The following UNC5D variants were observed in gnomAD, a reference collection of about 807,000 sequenced individuals.
UNC5D encodes the protein netrin receptor UNC5D.
UNC5D carries 39 observed loss-of-function variants against 105.4 expected under a neutral mutation model. The observed-to-expected ratio is 0.37, with a 90% CI of 0.29 to 0.48. UNC5D has a LOEUF of 0.48. Ranked by LOEUF, UNC5D falls within the 20% of genes least tolerant of loss-of-function variation. The pLI is 0.98. For synonymous variants in UNC5D, 452 were observed against 450.4 expected (o/e 1.00, Z -0.04); for missense variants, 991 against 1,202.4 (o/e 0.82, Z 2.60).
chr8:35,330,430 T>C (rs1223630069), intron 1 of UNC5D, among the ~76,000 whole-genome samples: 2 of 152,212 alleles, frequency 1.3e-5, no homozygotes, highest in East Asian at 3.9e-4. Context: ...CTAAGGTCTC[T>C]TTTAATCACT....
chr8:35,634,395 A>C (rs1822228710), intron 4 of UNC5D, among the ~76,000 whole-genome samples: 2 of 152,216 alleles, frequency 1.3e-5, no homozygotes, highest in Non-Finnish European at 2.9e-5. Context: ...GCAGAATAGA[A>C]ACACTATAGC....
chr8:35,315,537 A>G (rs1333141242), intron 1 of UNC5D, among the ~76,000 whole-genome samples: 1 of 152,128 alleles, frequency 6.6e-6, no homozygotes. Context: ...CAGCAAGAGG[A>G]CACATCTCAG....
At chr8:35,698,074 C>CACTT (rs913304601) in intron 7 of UNC5D, among the ~76,000 whole-genome samples, 1 of 152,106 alleles carries the variant, frequency 6.6e-6, no homozygotes, top group Non-Finnish European at 1.5e-5. Flanking sequence ...GCAAGGCTGG[C>CACTT]ACTTACAAAT....
chr8:35,318,479 T>A (rs535857550), intron 1 of UNC5D, among the ~76,000 whole-genome samples: 1 of 152,246 alleles, frequency 6.6e-6, no homozygotes, highest in South Asian at 2.1e-4. Flanking sequence ...ACTAACTATG[T>A]GACCTGGGGC....
intron 1 of UNC5D, among the ~76,000 whole-genome samples, chr8:35,325,565 G>A (rs1810084133): frequency 6.6e-6 from 1 of 152,122 alleles, no homozygotes; most frequent in African/African-American, 2.4e-5. Flanking sequence ...TATACCTATA[G>A]TACTTAGTAG....
At chr8:35,737,965 G>T (rs146491534) in intron 11 of UNC5D, among the ~76,000 whole-genome samples, 1 of 152,096 alleles carries the variant, frequency 6.6e-6, no homozygotes, top group Non-Finnish European at 1.5e-5. Flanking sequence ...AATTAGCCGG[G>T]TGTGGTGGTG....
intron 1 of UNC5D, among the ~76,000 whole-genome samples, chr8:35,352,690 G>A (rs1402033875): frequency 6.6e-6 from 1 of 152,062 alleles, no homozygotes; most frequent in Non-Finnish European, 1.5e-5. Context: ...TCGGCTCATT[G>A]CAACCTCTGC....
intron 11 of UNC5D, among the ~76,000 whole-genome samples, chr8:35,739,410 C>T (rs1382450564): frequency 6.6e-6 from 1 of 152,126 alleles, no homozygotes; most frequent in African/African-American, 2.4e-5. Flanking sequence ...AAGCATTTCT[C>T]CTTGCTGTTC....
intron 1 of UNC5D, chr8:35,525,506 C>T: frequency 6.2e-7 from 1 of 1,612,342 alleles, no homozygotes; most frequent in South Asian, 1.1e-5. Context: ...TGCTGGCAAG[C>T]TTACTAACAT....
rs564107179 is a variant in UNC5D, at chr8:35,562,292, G to A, written c.323-5806G>A. Reference sequence around the variant, plus strand: ...CTGATGGATACTTAGGATGATTCACGGGGTCGCAGATATCTCTTTGATATA... The same window carrying A: ...CTGATGGATACTTAGGATGATTCACAGGGTCGCAGATATCTCTTTGATATA... On this transcript the variant is annotated intron_variant, in intron 2 of 16. Transcript: ENST00000404895. 6.6e-5 allele frequency among the ~76,000 whole-genome samples: 10 copies of A among 152,184 alleles called. No individual in the cohort carries two copies. In the East Asian group the frequency reaches 9.6e-4, roughly 15 times the overall value.
chr8:35,587,973 T>TAC (rs1338573804), intron 3 of UNC5D, among the ~76,000 whole-genome samples: 2 of 135,894 alleles, frequency 1.5e-5, no homozygotes, highest in African/African-American at 5.6e-5. Context: ...ATAATATATA[T>TAC]ATATATATAT....
chr8:35,450,454 G>A (rs944305298), intron 1 of UNC5D, among the ~76,000 whole-genome samples: 1 of 151,972 alleles, frequency 6.6e-6, no homozygotes, highest in Non-Finnish European at 1.5e-5. Flanking sequence ...TATCAAGATT[G>A]TTTTTTTCCT....
In UNC5D at chr8:35,531,075, T is replaced by C. The variant is rs1260973766; in HGVS notation, c.104-18217T>C. ...TTCTGCTCTGATTTTAGTTATTTCT[T>C]GCCTTCTGCTAGCTTTTGAATGTGT... On this transcript the variant is annotated intron_variant, in intron 1 of 16. Transcript: ENST00000404895. Among the ~76,000 whole-genome samples, 6 of 145,838 alleles carry C rather than the reference T, an allele frequency of 4.1e-5. No individual in the cohort carries two copies. The East Asian group carries it at 1.2e-3, about 30-fold the overall frequency.
At chr8:35,247,571 ATG>A (rs1434772882) in intron 1 of UNC5D, among the ~76,000 whole-genome samples, 82 of 114,300 alleles carry the variant, frequency 7.2e-4, no homozygotes, top group South Asian at 3.0e-3. Context: ...ATATATAAAT[ATG>A]TATAAAATAT....
intron 1 of UNC5D, among the ~76,000 whole-genome samples, chr8:35,536,717 G>T (rs1814868489): frequency 6.6e-6 from 1 of 152,160 alleles, no homozygotes; most frequent in Admixed American, 6.5e-5. Flanking sequence ...GCAAGGTGTG[G>T]CTGGGCACGG....
At chr8:35,626,785 C>T (rs941753954) in intron 4 of UNC5D, among the ~76,000 whole-genome samples, 1 of 152,130 alleles carries the variant, frequency 6.6e-6, no homozygotes, top group African/African-American at 2.4e-5. Flanking sequence ...ATCAAACAAA[C>T]ATACATATAC....
chr8:35,276,296 C>A (rs559386751), intron 1 of UNC5D, among the ~76,000 whole-genome samples: 1 of 152,010 alleles, frequency 6.6e-6, no homozygotes, highest in Non-Finnish European at 1.5e-5. Context: ...TTTTCTCCCC[C>A]CTAACATCAG....
rs147797830 is a variant in UNC5D at position 35,344,536 on chromosome 8, G to C, written c.103+108649G>C. Among the ~76,000 whole-genome samples, 170 of 152,098 alleles carry C rather than the reference G, an allele frequency of 1.1e-3. 3 individuals carry two copies. The Middle Eastern group carries it at 0.014, about 12-fold the overall frequency. On this transcript the variant is annotated intron_variant, in intron 1 of 16. Transcript: ENST00000404895. ...GGAAGTTGGGAGTGCTTTAAATATTGTGAAAATGCTGACTTTGACACATCC... is the reference window on the plus strand; with the variant it reads ...GGAAGTTGGGAGTGCTTTAAATATTCTGAAAATGCTGACTTTGACACATCC...
At chr8:35,494,196 G>T (rs1811396392) in intron 1 of UNC5D, among the ~76,000 whole-genome samples, 1 of 151,994 alleles carries the variant, frequency 6.6e-6, no homozygotes, top group African/African-American at 2.4e-5. Context: ...TTAGCACTTA[G>T]TATTATAAAG....
Sources: gnomAD v4.1 joint callset for allele counts (sites outside exome capture counted in the v4.1 genomes callset) on GRCh38, gnomAD v4.1.1 for gene constraint, MANE v1.5 for transcripts, NCBI Gene and HGNC (gene_info 2026-07-23, HGNC 2026-07-21) for gene names.